TFF2: variants seen among roughly 807,000 people sequenced by gnomAD.
TFF2 encodes spasmolysin.
TFF2 carries 19 observed loss-of-function variants against 16.0 expected under a neutral mutation model. That is an observed-to-expected ratio of 1.19 (90% CI 0.83 to 1.74). TFF2 has a LOEUF of 1.74. TFF2 is among the 40% of genes most tolerant of loss of function. TFF2 has a pLI of 0.00. For missense variants in TFF2, 168 were observed against 166.8 expected (o/e 1.01, Z -0.04); for synonymous variants, 61 against 65.4 (o/e 0.93, Z 0.32).
intron 1 of TFF2, 41 bp downstream of exon 1, chr21:42,350,838 A>G: frequency 6.4e-7 from 1 of 1,555,474 alleles, no homozygotes; most frequent in Non-Finnish European, 8.7e-7. Context: ...TCTTTAAGAG[A>G]AATAAAGAAA....
rs781423850 is a variant in TFF2, at chr21:42,350,941, G to A, written c.17C>T (p.Ala6Val). ...GACGAGGAGCGCTGCCAGGAGCTGG[G>A]CGTCTCGCCGTCCCATGTCTAGCTC... Reference protein sequence around the residue: MGRRDAQLLAALLVLG... With the variant: MGRRDVQLLAALLVLG... Residue 6 changes from alanine (A) to valine (V), a missense_variant, in exon 1 of 4, where the codon GCC (alanine) becomes GTC (valine). Ala to Val is a moderately conservative substitution (Grantham distance 64). Coordinates refer to ENST00000291526, the MANE Select transcript of TFF2 (RefSeq NM_005423.5). 3 of 1,613,834 alleles carry A rather than the reference G, an allele frequency of 1.9e-6. No individual in the cohort carries two copies. Among genetic ancestry groups the A allele is most frequent in the Admixed American group, 3.3e-5 (2 of 59,978 alleles).
Position 42,350,971 on chromosome 21 carries a change from G to A in TFF2, c.-14C>T, listed in dbSNP as rs1343007562. On this transcript the variant is annotated 5_prime_UTR_variant, in exon 1 of 4. Transcript: ENST00000291526. The stretch of plus-strand genomic sequence containing the variant: ...TCGCCGTCCCATGTCTAGCTCAGCT[G>A]CACCCCAGGGTGGCTTGCAGAATGC... 3.1e-6 allele frequency: 5 copies of A among 1,612,960 alleles called. No homozygotes were observed. The highest frequency in any genetic ancestry group is 1.7e-5 in the Admixed American group (1 of 59,826).
At chr21:42,347,076 G>A (rs1476879808) in intron 3 of TFF2, among the ~76,000 whole-genome samples, 1 of 152,234 alleles carries the variant, frequency 6.6e-6, no homozygotes, top group Non-Finnish European at 1.5e-5. Context: ...ATGTGGGGGA[G>A]AACGGGGAAG....
chr21:42,348,308 G>A (rs886674000), intron 2 of TFF2, among the ~76,000 whole-genome samples: 1 of 152,096 alleles, frequency 6.6e-6, no homozygotes, highest in African/African-American at 2.4e-5. Flanking sequence ...ACCCTAGAAG[G>A]CTTCACTTCC....
intron 3 of TFF2, 80 bp downstream of exon 3, chr21:42,347,406 C>A: frequency 6.3e-7 from 1 of 1,589,696 alleles, no homozygotes; most frequent in Non-Finnish European, 8.6e-7. Context: ...GGCAGCTCCC[C>A]TCCCTGCACC....
intron 3 of TFF2, 93 bp downstream of exon 3, chr21:42,347,393 C>G (rs1412714759): frequency 6.5e-7 from 1 of 1,547,632 alleles, no homozygotes; most frequent in South Asian, 1.2e-5. Context: ...ACTGAGGCTG[C>G]GAGGCAGCTC....
rs774938088 is a variant in TFF2, at chr21:42,347,726, GC to G, written c.230-95del. ...CCTCCTCTGAGAGCAGCGCTGATTT[GC>G]AGCCTCCGTGGATCATGAGGTGCTG... On this transcript the variant is annotated intron_variant, in intron 2 of 3. Transcript: ENST00000291526. 1.0e-3 allele frequency: 1,555 copies of G among 1,482,076 alleles called. 1 individual carries two copies. Among genetic ancestry groups the G allele is most frequent in the Non-Finnish European group, 1.3e-3 (1,453 of 1,102,186 alleles). 91.8% of individuals were successfully genotyped at this position (1,482,076 alleles called of 1,614,324 possible). A position where few individuals can be genotyped will look rare whatever the true frequency, so the allele number is the denominator to read the frequency against.
At chr21:42,347,793 G>C (rs965128769) in intron 2 of TFF2, among the ~76,000 whole-genome samples, 161 bp from the exon 3 acceptor site, 37 of 151,958 alleles carry the variant, frequency 2.4e-4, no homozygotes, top group Admixed American at 2.0e-3. Flanking sequence ...CCCGGGGACT[G>C]TGGAAGTGTC....
At position 42,350,909 on chromosome 21, in the gene TFF2, GC is replaced by G; in HGVS notation, c.48del (p.Leu17TyrfsTer18). On this transcript the variant is annotated frameshift_variant, in exon 1 of 4. Transcript: ENST00000291526. LOFTEE classifies it high-confidence loss of function. ...TTCTCACTCCCCGCCAGGGCACATA[GC>G]CCCAGGACGAGGAGCGCTGCCAGGA... ...AQLLAALLVL[G>X]LCALAGSEKP... 6.2e-7 allele frequency: 1 copy of G among 1,613,686 alleles called. No homozygotes were observed. The highest frequency in any genetic ancestry group is 8.5e-7 in the Non-Finnish European group (1 of 1,179,852).
chr21:42,347,692 C>T, intron 2 of TFF2, 60 bp from the exon 3 acceptor site: 1 of 1,587,168 alleles, frequency 6.3e-7, no homozygotes, highest in Non-Finnish European at 8.6e-7. Flanking sequence ...CTGGAAAGCT[C>T]CACCCCTTCC....
rs111864064 is a variant in TFF2, at chr21:42,350,511, C to T, written c.79+368G>A. Reference sequence around the variant, plus strand: ...TCACACCACTGCACTCCTGCCTGGGCGGCAAAGCCAGATCCTGTCTCGGAA... The same window carrying T: ...TCACACCACTGCACTCCTGCCTGGGTGGCAAAGCCAGATCCTGTCTCGGAA... On this transcript the variant is annotated intron_variant, in intron 1 of 3. Transcript: ENST00000291526. 9.3e-4 allele frequency among the ~76,000 whole-genome samples: 142 copies of T among 152,280 alleles called. 1 individual carries two copies. Among genetic ancestry groups the T allele is most frequent in the African/African-American group, 2.7e-3 (112 of 41,572 alleles).
chr21:42,347,255 G>A (rs225335), intron 3 of TFF2, among the ~76,000 whole-genome samples: 94,066 of 152,140 alleles, frequency 0.62, 29,676 homozygotes, highest in African/African-American at 0.71. Context: ...TGTTTCTAGA[G>A]CCATCACAGA....
intron 1 of TFF2, 62 bp downstream of exon 1, chr21:42,350,816 GC>G: frequency 7.1e-7 from 1 of 1,407,444 alleles, no homozygotes; most frequent in Non-Finnish European, 9.6e-7. Flanking sequence ...TTATGGTTGT[GC>G]TTTTTTTTTT....
chr21:42,348,364 T>A (rs1206447688), intron 2 of TFF2, among the ~76,000 whole-genome samples: 1 of 152,172 alleles, frequency 6.6e-6, no homozygotes, highest in Non-Finnish European at 1.5e-5. Flanking sequence ...ACTGCTGTCC[T>A]ATTAAATACC....
At position 42,349,944 on chromosome 21, in the gene TFF2, C is replaced by T. The variant is rs1199192574; in HGVS notation, c.166G>A (p.Gly56Arg). The change falls in exon 2 of 4, where the codon GGA becomes AGA. Residue 56 changes from glycine (G) to arginine (R), a missense_variant. Gly to Arg is a moderately radical substitution (Grantham distance 125). Transcript: ENST00000291526. ...GTGACACTGGAGTCGAAACAGCATC[C>T]ATTGTCAAAACACTGGTCACTGGTG... ...GITSDQCFDN[G>R]CCFDSSVTGV... The T allele has an allele frequency of 4.4e-6, 7 of 1,600,426 alleles. No individual in the cohort carries two copies. The highest frequency in any genetic ancestry group is 1.7e-5 in the Admixed American group (1 of 58,186).
chr21:42,350,981 G>A lies in TFF2; in HGVS notation c.-24C>T. On this transcript the variant is annotated 5_prime_UTR_variant, in exon 1 of 4. Transcript: ENST00000291526. ...ATGTCTAGCTCAGCTGCACCCCAGGGTGGCTTGCAGAATGCATGGTGTCCA... is the reference window on the plus strand; with the variant it reads ...ATGTCTAGCTCAGCTGCACCCCAGGATGGCTTGCAGAATGCATGGTGTCCA... The A allele has an allele frequency of 6.2e-7, 1 of 1,608,732 alleles. No individual in the cohort carries two copies. Among genetic ancestry groups the A allele is most frequent in the Non-Finnish European group, 8.5e-7 (1 of 1,177,874 alleles).
chr21:42,350,767 G>T, intron 1 of TFF2, 112 bp downstream of exon 1: 2 of 1,135,244 alleles, frequency 1.8e-6, no homozygotes, highest in Non-Finnish European at 2.5e-6. Flanking sequence ...AACACACATT[G>T]CCAGATGCCT....
At chr21:42,346,662 A>G in intron 3 of TFF2, 116 bp from the exon 4 acceptor site, 2 of 1,200,188 alleles carry the variant, frequency 1.7e-6, no homozygotes, top group Non-Finnish European at 1.2e-6. Context: ...CTGAAGAAGG[A>G]GCTCCTTTCC....
intron 2 of TFF2, among the ~76,000 whole-genome samples, chr21:42,348,445 A>G (rs187854670): frequency 1.1e-4 from 17 of 152,090 alleles, no homozygotes; most frequent in Admixed American, 5.9e-4. Flanking sequence ...ATATATATAT[A>G]TATTTTTTTC....
Sources: gnomAD v4.1 joint callset for allele counts (sites outside exome capture counted in the v4.1 genomes callset) on GRCh38, gnomAD v4.1.1 for gene constraint, MANE v1.5 for transcripts, NCBI Gene and HGNC (gene_info 2026-07-23, HGNC 2026-07-21) for gene names.